Variants in SLC35F3 observed in about 807,000 individuals in gnomAD.
SLC35F3 encodes the protein solute carrier family 35 member F3, also known as putative thiamine transporter SLC35F3.
SLC35F3 carries 25 observed loss-of-function variants against 49.9 expected under a neutral mutation model. The ratio of observed to expected loss-of-function variants is 0.50; its 90% CI spans 0.37 to 0.70. The LOEUF (loss-of-function observed/expected upper bound fraction) is 0.70. SLC35F3 is among the 30% of genes least tolerant of loss of function. The probability of loss-of-function intolerance (pLI) is 0.00; values close to 1 mark genes in which losing one functional copy is unlikely to be tolerated. For synonymous variants in SLC35F3, 275 were observed against 265.4 expected (o/e 1.04, Z -0.35); for missense variants, 525 against 639.8 (o/e 0.82, Z 1.94).
At chr1:233,966,120 G>T (rs1662901940) in intron 2 of SLC35F3, among the ~76,000 whole-genome samples, 2 of 152,136 alleles carry the variant, frequency 1.3e-5, no homozygotes, top group South Asian at 4.1e-4. Context: ...CTTCCAGTAA[G>T]TTATTTATAG....
Position 234,214,168 on chromosome 1 carries a change from G to C in SLC35F3, c.284-17249G>C. ...GCTGGGCGTCCCGGGGAGGAGGGCG[G>C]AGCAGGTGAGCTGCGGGGTGGGAGC... On this transcript the variant is annotated intron_variant, in intron 2 of 7. Coordinates refer to ENST00000366618, the MANE Select transcript of SLC35F3 (RefSeq NM_173508.4). The surrounding 1 kb of genome is among the most constrained non-coding windows in gnomAD (Gnocchi z 8.0). 1 of 1,080,604 alleles carries C rather than the reference G, an allele frequency of 9.3e-7. No homozygotes were observed. The highest frequency in any genetic ancestry group is 4.2e-5 in the South Asian group (1 of 24,016). The allele number at this position is 1,080,604 out of a possible 1,614,324, so 66.9% of individuals were successfully genotyped here.
At chr1:234,134,801 A>T (rs1665785958) in intron 2 of SLC35F3, among the ~76,000 whole-genome samples, 1 of 152,092 alleles carries the variant, frequency 6.6e-6, no homozygotes, top group Non-Finnish European at 1.5e-5. Flanking sequence ...GGTTCACTGC[A>T]ACCTCTGCCT....
At chr1:234,223,077 A>G (rs1667234173) in intron 2 of SLC35F3, among the ~76,000 whole-genome samples, 1 of 152,204 alleles carries the variant, frequency 6.6e-6, no homozygotes, top group South Asian at 2.1e-4. Flanking sequence ...CTCTTCCCCC[A>G]GGGCACAAAC....
At chr1:234,139,951 T>TAATGAAATAAAATAA (rs1665868081) in intron 2 of SLC35F3, among the ~76,000 whole-genome samples, 1 of 90,564 alleles carries the variant, frequency 1.1e-5, no homozygotes, top group Non-Finnish European at 2.3e-5. Context: ...CATCTCAAAA[T>TAATGAAATAAAATAA]AATAAAATAA....
At chr1:234,163,927 T>C (rs757489159) in intron 2 of SLC35F3, among the ~76,000 whole-genome samples, 49 of 152,176 alleles carry the variant, frequency 3.2e-4, no homozygotes, top group Non-Finnish European at 6.0e-4. Context: ...AACTGTCAGA[T>C]TTCTTATCCC....
rs1020967385 is a variant in SLC35F3, at chr1:234,027,693, T to A, written c.283+121935T>A. On this transcript the variant is annotated intron_variant, in intron 2 of 7. Coordinates refer to ENST00000366618, the MANE Select transcript of SLC35F3 (RefSeq NM_173508.4). This position sits in a 1 kb window ranked among gnomAD's most constrained non-coding sequence, Gnocchi z 4.1. Reference sequence around the variant, plus strand: ...ATTGATAAAAATTGGTGACCAGTTGTTTGGATGAAGAGAGGGTAATTTTGT... The same window carrying A: ...ATTGATAAAAATTGGTGACCAGTTGATTGGATGAAGAGAGGGTAATTTTGT... Among the ~76,000 whole-genome samples, 3 of 152,102 alleles carry A rather than the reference T, an allele frequency of 2.0e-5. No individual in the cohort carries two copies. Among genetic ancestry groups the A allele is most frequent in the African/African-American group, 7.2e-5 (3 of 41,414 alleles).
chr1:233,956,767 A>G (rs1662711871), intron 2 of SLC35F3, among the ~76,000 whole-genome samples: 1 of 152,232 alleles, frequency 6.6e-6, no homozygotes, highest in Non-Finnish European at 1.5e-5. Context: ...TGCAGCCTCA[A>G]GCAGCTGTGG....
chr1:234,316,592 G>C lies in SLC35F3; in HGVS notation c.829-10G>C. On this transcript the variant is annotated splice_polypyrimidine_tract_variant and intron_variant, in intron 4 of 7. Transcript: ENST00000366618. The stretch of plus-strand genomic sequence containing the variant: ...ACTTCCCTGACCAGCATTTTCTTCC[G>C]TCTGTCCAGATTGTGGCCGCCATCC... 6.2e-7 allele frequency: 1 copy of C among 1,600,996 alleles called. No individual in the cohort carries two copies. Among genetic ancestry groups the C allele is most frequent in the Non-Finnish European group, 8.6e-7 (1 of 1,169,536 alleles).
At chr1:234,155,395 G>GACGATGATGATGATGATGATGATT (rs1553310141) in intron 2 of SLC35F3, among the ~76,000 whole-genome samples, 2 of 149,344 alleles carry the variant, frequency 1.3e-5, no homozygotes, top group East Asian at 1.9e-4. Context: ...CTATTCACCT[G>GACGATGATGATGATGATGATGATT]ATTATTATTA....
chr1:234,106,854 A>G (rs1182136343), intron 2 of SLC35F3, among the ~76,000 whole-genome samples: 1 of 152,192 alleles, frequency 6.6e-6, no homozygotes, highest in African/African-American at 2.4e-5. Flanking sequence ...AGGACGGCCA[A>G]GTGGCAGAAT....
chr1:234,187,955 G>A (rs916564939), intron 2 of SLC35F3, among the ~76,000 whole-genome samples: 1 of 152,188 alleles, frequency 6.6e-6, no homozygotes, highest in East Asian at 1.9e-4. Flanking sequence ...AGGCATGAAA[G>A]GCCAGGCGCG....
At chr1:234,039,150 A>G (rs1664184881) in intron 2 of SLC35F3, among the ~76,000 whole-genome samples, 1 of 152,200 alleles carries the variant, frequency 6.6e-6, no homozygotes, top group Admixed American at 6.5e-5. Flanking sequence ...AACAGGATGA[A>G]ATCATCTGCA....
chr1:233,922,069 T>A (rs1181368032), intron 2 of SLC35F3, among the ~76,000 whole-genome samples: 1 of 152,232 alleles, frequency 6.6e-6, no homozygotes, highest in Non-Finnish European at 1.5e-5. Flanking sequence ...TGGTTCCAAG[T>A]CTTTGCTATT....
chr1:234,270,192 G>A (rs1231490679), intron 3 of SLC35F3, among the ~76,000 whole-genome samples: 1 of 152,130 alleles, frequency 6.6e-6, no homozygotes, highest in Non-Finnish European at 1.5e-5. Context: ...ATTCCTACAT[G>A]TGGATTTTGT....
chr1:233,948,293 G>C (rs1183766319), intron 2 of SLC35F3, among the ~76,000 whole-genome samples: 1 of 149,822 alleles, frequency 6.7e-6, no homozygotes, highest in Admixed American at 6.7e-5. Flanking sequence ...TATCCTCAAG[G>C]CTGAGAGCCA....
At position 234,183,086 on chromosome 1, in the gene SLC35F3, A is replaced by G. The variant is rs180806555; in HGVS notation, c.284-48331A>G. Reference sequence around the variant, plus strand: ...GGCTAGAGTGCAGTGGCACAATCTCAGCTCACTGCAACCTCCACCTTGCAG... The same window carrying G: ...GGCTAGAGTGCAGTGGCACAATCTCGGCTCACTGCAACCTCCACCTTGCAG... On this transcript the variant is annotated intron_variant, in intron 2 of 7. Coordinates refer to ENST00000366618, the MANE Select transcript of SLC35F3 (RefSeq NM_173508.4). 6.4e-3 allele frequency among the ~76,000 whole-genome samples: 909 copies of G among 143,078 alleles called. 40 individuals are homozygous for G. The highest frequency in any genetic ancestry group is 0.021 in the African/African-American group (865 of 41,264). The allele number at this position is 143,078 out of a possible 152,430, so 93.9% of individuals were successfully genotyped here.
intron 2 of SLC35F3, among the ~76,000 whole-genome samples, chr1:234,144,533 G>A (rs998976856): frequency 6.6e-6 from 1 of 152,192 alleles, no homozygotes; most frequent in African/African-American, 2.4e-5. Context: ...GTTTTTAGGT[G>A]AGTATTTATG....
At chr1:234,287,236 A>C (rs1299064812) in intron 3 of SLC35F3, among the ~76,000 whole-genome samples, 1 of 152,186 alleles carries the variant, frequency 6.6e-6, no homozygotes, top group Non-Finnish European at 1.5e-5. Flanking sequence ...AACTAATGTT[A>C]ATTATACAGC....
chr1:234,159,910 G>A (rs1382111768), intron 2 of SLC35F3, among the ~76,000 whole-genome samples: 3 of 152,020 alleles, frequency 2.0e-5, no homozygotes, highest in Non-Finnish European at 2.9e-5. Flanking sequence ...CTAATTTCTC[G>A]TAAGATTTTA....
Sources: gnomAD v4.1 joint callset for allele counts (sites outside exome capture counted in the v4.1 genomes callset) on GRCh38, gnomAD v4.1.1 for gene constraint, Gnocchi (gnomAD v3.1) non-coding constraint, MANE v1.5 for transcripts, NCBI Gene and HGNC (gene_info 2026-07-23, HGNC 2026-07-21) for gene names.